The following RIC1 variants were observed in gnomAD, a reference collection of about 807,000 sequenced individuals.
The protein encoded by RIC1 is RIC1 partner of RAB6A GEF complex.
RIC1 carries 88 observed loss-of-function variants against 169.0 expected under a neutral mutation model. The ratio of observed to expected loss-of-function variants is 0.52; its 90% CI spans 0.44 to 0.62. The LOEUF (loss-of-function observed/expected upper bound fraction) is 0.62, where lower values mean the gene tolerates loss of function less well. Among genes scored for constraint, RIC1 ranks in the 20% least tolerant of loss-of-function variants. The pLI, the probability that RIC1 is intolerant of heterozygous loss-of-function variation, is 0.00. For missense variants in RIC1, 1,877 were observed against 1,725.5 expected, an observed-to-expected ratio of 1.09 and a Z score of -1.56; for synonymous variants, 790 against 601.5, an observed-to-expected ratio of 1.31 and a Z score of -4.59.
At chr9:5,665,089 G>A (rs1199386794) in intron 2 of RIC1, among the ~76,000 whole-genome samples, 1 of 152,038 alleles carries the variant, frequency 6.6e-6, no homozygotes, top group Non-Finnish European at 1.5e-5. Flanking sequence ...GTGAATCTGG[G>A]TGTTCCTACA....
chr9:5,689,044 CTTTTTTTT>C (rs34717277), intron 2 of RIC1, among the ~76,000 whole-genome samples: 33 of 99,034 alleles, frequency 3.3e-4, no homozygotes, highest in Admixed American at 5.5e-4. Flanking sequence ...AATACAATTT[CTTTTTTTT>C]TTTTTTTTTT....
intron 6 of RIC1, among the ~76,000 whole-genome samples, chr9:5,729,497 T>C (rs143974014): frequency 2.9e-4 from 44 of 152,346 alleles, no homozygotes; most frequent in African/African-American, 7.5e-4. Context: ...CTCATTGATA[T>C]GCTTTCCAGC....
intron 1 of RIC1, among the ~76,000 whole-genome samples, chr9:5,638,927 G>C (rs774052105): frequency 2.6e-5 from 4 of 151,952 alleles, no homozygotes; most frequent in Non-Finnish European, 5.9e-5. Context: ...TTTTCTTCTT[G>C]TTTTCTGAGA....
At chr9:5,707,973 G>C (rs1422450947) in intron 3 of RIC1, among the ~76,000 whole-genome samples, 1 of 151,762 alleles carries the variant, frequency 6.6e-6, no homozygotes, top group African/African-American at 2.4e-5. Flanking sequence ...CTGCCTTTTT[G>C]TTGTTGTTGT....
chr9:5,725,206 A>G lies in RIC1; in HGVS notation c.720+4456A>G, dbSNP rs189292432. ...TCGTCCTGGACTTTTTTTGGTTAGT[A>G]GGCTATTAATTATTGCCTCAATTTC... is the stretch of plus-strand genomic sequence containing the variant. On this transcript the variant is annotated intron_variant, in intron 6 of 25. Transcript: ENST00000414202. Among the ~76,000 whole-genome samples the G allele has an allele frequency of 4.6e-5, 7 of 152,238 alleles. No homozygotes were observed. The East Asian group carries it at 1.3e-3, about 29-fold the overall frequency.
chr9:5,687,037 T>C (rs2130689933), intron 2 of RIC1, among the ~76,000 whole-genome samples: 1 of 152,328 alleles, frequency 6.6e-6, no homozygotes, highest in East Asian at 1.9e-4. Flanking sequence ...ACATTGGCTT[T>C]TCAGGGTACA....
intron 1 of RIC1, among the ~76,000 whole-genome samples, chr9:5,651,612 T>G (rs1046238700): frequency 1.3e-5 from 2 of 150,312 alleles, no homozygotes; most frequent in Non-Finnish European, 3.0e-5. Flanking sequence ...CCTTCATTCT[T>G]GAGTGCAGTG....
chr9:5,715,053 C>A (rs1823149098), intron 4 of RIC1, among the ~76,000 whole-genome samples: 1 of 152,152 alleles, frequency 6.6e-6, no homozygotes. Flanking sequence ...GGTCCATCCC[C>A]TTCATATCTT....
At chr9:5,704,714 G>GT (rs1453936552) in intron 3 of RIC1, among the ~76,000 whole-genome samples, 1 of 151,826 alleles carries the variant, frequency 6.6e-6, no homozygotes. Flanking sequence ...GTTCCTTACA[G>GT]TTTTTTTATA....
At chr9:5,663,509 A>G (rs940597325) in intron 2 of RIC1, among the ~76,000 whole-genome samples, 2 of 152,142 alleles carry the variant, frequency 1.3e-5, no homozygotes, top group African/African-American at 4.8e-5. Flanking sequence ...GGGTGTTCCT[A>G]TACTGTGTGT....
At chr9:5,710,392 G>C (rs560075988) in intron 3 of RIC1, among the ~76,000 whole-genome samples, 1 of 152,296 alleles carries the variant, frequency 6.6e-6, no homozygotes, top group South Asian at 2.1e-4. Context: ...CCAGACTTCT[G>C]TCTTTCACGC....
In RIC1 at chr9:5,775,015, G is replaced by T. The variant is rs1827501297; in HGVS notation, c.*769G>T. The T allele has an allele frequency of 6.6e-6, 1 of 152,080 alleles. No homozygotes were observed. Among genetic ancestry groups the T allele is most frequent in the Non-Finnish European group, 1.5e-5 (1 of 68,020 alleles). The allele number at this position is 152,080 out of a possible 1,614,324, so 9.4% of individuals were successfully genotyped here. ...TTCAAAGGCACTGTTCATATTTTAGGGCTTGTATTATAATTTGCAAGGTTT... is the reference window on the plus strand; with the variant it reads ...TTCAAAGGCACTGTTCATATTTTAGTGCTTGTATTATAATTTGCAAGGTTT... On this transcript the variant is annotated 3_prime_UTR_variant, in exon 26 of 26. Coordinates refer to ENST00000414202, the MANE Select transcript of RIC1 (RefSeq NM_020829.4).
At chr9:5,745,862 T>G (rs1825344605) in intron 10 of RIC1, 69 bp from the exon 11 acceptor site, 11 of 1,323,732 alleles carry the variant, frequency 8.3e-6, no homozygotes, top group South Asian at 2.6e-5. Flanking sequence ...TTTGAATAAT[T>G]GAAGCTAGAA....
intron 6 of RIC1, among the ~76,000 whole-genome samples, chr9:5,723,467 C>T (rs983113592): frequency 2.0e-5 from 3 of 152,158 alleles, no homozygotes; most frequent in African/African-American, 7.2e-5. Context: ...AGCCCTTTGT[C>T]AGATGGGTAG....
intron 3 of RIC1, among the ~76,000 whole-genome samples, chr9:5,701,583 G>A (rs1377921302): frequency 2.2e-5 from 3 of 135,624 alleles, no homozygotes; most frequent in African/African-American, 1.0e-4. Flanking sequence ...GACAGAGCAA[G>A]ACTCCATTTA....
intron 16 of RIC1, among the ~76,000 whole-genome samples, chr9:5,756,759 T>G (rs536019426): frequency 6.6e-6 from 1 of 152,316 alleles, no homozygotes; most frequent in East Asian, 1.9e-4. Context: ...CTTAGCAAAC[T>G]GACTTATATT....
At chr9:5,680,753 G>A (rs1157893636) in intron 2 of RIC1, among the ~76,000 whole-genome samples, 2 of 147,314 alleles carry the variant, frequency 1.4e-5, no homozygotes, top group Non-Finnish European at 3.0e-5. Context: ...TTCTTTATTA[G>A]TCTTGCTAGC....
intron 25 of RIC1, 186 bp downstream of exon 25, chr9:5,773,266 T>C (rs988164219): frequency 1.7e-5 from 4 of 229,182 alleles, no homozygotes; most frequent in African/African-American, 9.2e-5. Flanking sequence ...TTTAAATGGA[T>C]AATTCCATCG....
At chr9:5,758,035 G>C (rs1206134273) in intron 17 of RIC1, among the ~76,000 whole-genome samples, 4 of 152,144 alleles carry the variant, frequency 2.6e-5, no homozygotes. Flanking sequence ...ACTGAAGTAA[G>C]ACAAAACTAC....
Sources: allele counts gnomAD v4.1 joint callset (sites outside exome capture counted in the v4.1 genomes callset), GRCh38; gene constraint gnomAD v4.1.1; transcripts MANE v1.5; gene names NCBI Gene and HGNC (gene_info 2026-07-23, HGNC 2026-07-21).